Variants in ASRGL1 observed in about 807,000 individuals in gnomAD.
ASRGL1 encodes isoaspartyl peptidase/L-asparaginase.
A neutral mutation model predicts 22.4 loss-of-function variants in ASRGL1; 16 were observed. The observed-to-expected ratio is 0.71, with a 90% CI of 0.48 to 1.08. The LOEUF (loss-of-function observed/expected upper bound fraction) is 1.08. Ranked by LOEUF, ASRGL1 falls within the 50% of genes least tolerant of loss-of-function variation. The pLI is 0.00. For synonymous variants in ASRGL1, 165 were observed against 159.3 expected (o/e 1.04, Z -0.27); for missense variants, 412 against 410.1 (o/e 1.00, Z -0.04).
At chr11:62,365,549 G>T (rs190736983) in intron 4 of ASRGL1, among the ~76,000 whole-genome samples, 2 of 151,664 alleles carry the variant, frequency 1.3e-5, no homozygotes, top group African/African-American at 2.4e-5. Flanking sequence ...GCAAGACTCC[G>T]TCTCAAAAAC....
At chr11:62,340,446 CT>C (rs1167987117) in intron 2 of ASRGL1, among the ~76,000 whole-genome samples, 1 of 152,192 alleles carries the variant, frequency 6.6e-6, no homozygotes, top group Non-Finnish European at 1.5e-5. Flanking sequence ...TCAGCACCCC[CT>C]GGGCTGTCAA....
intron 4 of ASRGL1, among the ~76,000 whole-genome samples, chr11:62,370,258 T>C (rs1946728455): frequency 6.6e-6 from 1 of 152,184 alleles, no homozygotes; most frequent in African/African-American, 2.4e-5. Context: ...AAAAGTCGAA[T>C]CAATGCAAGT....
intron 4 of ASRGL1, among the ~76,000 whole-genome samples, chr11:62,388,897 C>T (rs12292642): frequency 0.27 from 41,306 of 151,748 alleles, 5,713 homozygotes; most frequent in South Asian, 0.35. Context: ...AGCTAGAAAA[C>T]GGTGGTGTTG....
intron 4 of ASRGL1, among the ~76,000 whole-genome samples, chr11:62,360,095 G>A (rs1244972072): frequency 2.0e-5 from 3 of 149,814 alleles, no homozygotes; most frequent in Middle Eastern, 3.4e-3. Context: ...GCAGTGGCAC[G>A]ATCTCGGCTT....
intron 4 of ASRGL1, chr11:62,371,345 C>A: frequency 9.3e-7 from 1 of 1,072,318 alleles, no homozygotes; most frequent in Non-Finnish European, 1.3e-6. Context: ...AAGCGCGCGG[C>A]GCAGCCTGTG....
At chr11:62,356,618 C>T (rs1590719151) in intron 3 of ASRGL1, 151 bp downstream of exon 3, 1 of 1,071,956 alleles carries the variant, frequency 9.3e-7, no homozygotes, top group East Asian at 2.6e-5. Context: ...CTCAAATCAG[C>T]CATGATTTTT....
In ASRGL1 at chr11:62,392,403, T is replaced by TGTTGC. The variant is rs1947362342; in HGVS notation, c.*120_*124dup. The stretch of plus-strand genomic sequence containing the variant: ...AAATTGTCCCGTCTGTCACTTGTTT[T>TGTTGC]GTTGCCTTAATAAGCATCTGAATGT... On this transcript the variant is annotated 3_prime_UTR_variant, in exon 7 of 7. Coordinates refer to ENST00000415229, the MANE Select transcript of ASRGL1 (RefSeq NM_001083926.2). 5 of 1,233,674 alleles carry TGTTGC rather than the reference T, an allele frequency of 4.1e-6. No homozygotes were observed. In the East Asian group the frequency reaches 7.5e-5, roughly 19 times the overall value. 76.4% of individuals were successfully genotyped at this position (1,233,674 alleles called of 1,614,324 possible). A position where few individuals can be genotyped will look rare whatever the true frequency, so the allele number is the denominator to read the frequency against.
At chr11:62,337,711 G>C (rs1039405737) in intron 1 of ASRGL1, 137 bp downstream of exon 1, 1 of 371,832 alleles carries the variant, frequency 2.7e-6, no homozygotes, top group Non-Finnish European at 4.7e-6. Flanking sequence ...GGCGGTGGGC[G>C]CGGGTTAACG....
At chr11:62,338,987 G>A (rs1945801740) in intron 2 of ASRGL1, among the ~76,000 whole-genome samples, 1 of 150,554 alleles carries the variant, frequency 6.6e-6, no homozygotes, top group Non-Finnish European at 1.5e-5. Flanking sequence ...AAGATAAGAG[G>A]TTGAGGAGAC....
intron 4 of ASRGL1, among the ~76,000 whole-genome samples, chr11:62,388,594 C>T (rs1405372420): frequency 9.7e-5 from 14 of 144,420 alleles, no homozygotes; most frequent in African/African-American, 3.3e-4. Flanking sequence ...CACTTGAACC[C>T]GGGAGGCAGA....
chr11:62,353,700 G>A (rs952983162), intron 2 of ASRGL1, among the ~76,000 whole-genome samples: 3 of 152,094 alleles, frequency 2.0e-5, no homozygotes, highest in Non-Finnish European at 4.4e-5. Flanking sequence ...TCTTGGTATT[G>A]TCATCTGTTA....
intron 2 of ASRGL1, among the ~76,000 whole-genome samples, chr11:62,354,908 T>C (rs1946242813): frequency 6.6e-6 from 1 of 152,098 alleles, no homozygotes; most frequent in African/African-American, 2.4e-5. Flanking sequence ...TTGTACTTTT[T>C]TATTTTGTAG....
chr11:62,340,098 CAA>C (rs1350499898), intron 2 of ASRGL1, among the ~76,000 whole-genome samples: 3 of 124,376 alleles, frequency 2.4e-5, no homozygotes, highest in Non-Finnish European at 3.5e-5. Context: ...CCCATCTCTA[CAA>C]AAAAAAAAAA....
At chr11:62,340,013 G>A (rs902121125) in intron 2 of ASRGL1, among the ~76,000 whole-genome samples, 3 of 151,966 alleles carry the variant, frequency 2.0e-5, no homozygotes, top group Non-Finnish European at 2.9e-5. Flanking sequence ...TGTAATCCCA[G>A]CACTTTGGAA....
intron 2 of ASRGL1, among the ~76,000 whole-genome samples, chr11:62,349,732 A>G (rs1393107148): frequency 6.6e-6 from 1 of 152,200 alleles, no homozygotes; most frequent in Non-Finnish European, 1.5e-5. Flanking sequence ...AATGAAAGCA[A>G]GTTTATTAGG....
chr11:62,365,111 T>G (rs1238218129), intron 4 of ASRGL1, among the ~76,000 whole-genome samples: 2 of 147,274 alleles, frequency 1.4e-5, no homozygotes. Context: ...ATAGAAACAA[T>G]GAATGGAATG....
chr11:62,347,217 T>A (rs566662958), intron 2 of ASRGL1, among the ~76,000 whole-genome samples: 13 of 152,324 alleles, frequency 8.5e-5, no homozygotes, highest in Middle Eastern at 3.4e-3. Flanking sequence ...TGGACTATAG[T>A]CATCAGTCTA....
chr11:62,389,986 A>G (rs547059606), intron 5 of ASRGL1, among the ~76,000 whole-genome samples: 1 of 152,196 alleles, frequency 6.6e-6, no homozygotes, highest in South Asian at 2.1e-4. Flanking sequence ...ACTCTCGACA[A>G]TTCTTGATAC....
At chr11:62,389,808 T>A (rs1214082939) in intron 5 of ASRGL1, 1 of 181,428 alleles carries the variant, frequency 5.5e-6, no homozygotes, top group Admixed American at 5.7e-5. Context: ...CCGTGCAGAC[T>A]TTCACACTTG....
Sources: allele counts gnomAD v4.1 joint callset (sites outside exome capture counted in the v4.1 genomes callset), GRCh38; gene constraint gnomAD v4.1.1; transcripts MANE v1.5; gene names NCBI Gene and HGNC (gene_info 2026-07-23, HGNC 2026-07-21).